Variants in SASH1 observed in about 807,000 individuals in gnomAD.
SASH1 encodes the protein SAM and SH3 domain-containing protein 1.
SASH1 carries 44 observed loss-of-function variants against 125.2 expected under a neutral mutation model. That is an observed-to-expected ratio of 0.35 (90% CI 0.28 to 0.45). SASH1 has a LOEUF of 0.45. Ranked by LOEUF, SASH1 falls within the 20% of genes least tolerant of loss-of-function variation. SASH1 has a pLI of 1.00. For missense variants in SASH1, 1,426 were observed against 1,614.5 expected (o/e 0.88, Z 2.00); for synonymous variants, 639 against 649.1 (o/e 0.98, Z 0.24).
At chr6:148,413,913 A>G (rs1583114589) in intron 2 of SASH1, among the ~76,000 whole-genome samples, 1 of 152,018 alleles carries the variant, frequency 6.6e-6, no homozygotes, top group Non-Finnish European at 1.5e-5. Flanking sequence ...AAAAAAGAAT[A>G]AATATATGGG....
At chr6:148,292,512 C>A (rs984046801) in intron 1 of SASH1, among the ~76,000 whole-genome samples, 1 of 152,230 alleles carries the variant, frequency 6.6e-6, no homozygotes, top group African/African-American at 2.4e-5. Flanking sequence ...AATGCACTGG[C>A]CTGTGGGGCT....
intron 2 of SASH1, among the ~76,000 whole-genome samples, chr6:148,412,264 T>TA (rs1479371139): frequency 4.6e-5 from 7 of 152,210 alleles, no homozygotes; most frequent in Admixed American, 4.6e-4. Context: ...ATTTAGCACT[T>TA]AGTGTTTGTT....
intron 8 of SASH1, among the ~76,000 whole-genome samples, chr6:148,498,433 T>C (rs1379745863): frequency 6.6e-6 from 1 of 151,528 alleles, no homozygotes; most frequent in African/African-American, 2.4e-5. Flanking sequence ...AAGAAAAACA[T>C]ATCAAGGGCC....
chr6:148,237,821 C>T, the SASH1 span, among the ~76,000 whole-genome samples: 1 of 152,198 alleles, frequency 6.6e-6, no homozygotes, highest in Non-Finnish European at 1.5e-5. Context: ...GTTGAAAGAG[C>T]CTGAAAATAC....
At chr6:148,218,004 G>A in the SASH1 span, among the ~76,000 whole-genome samples, 3 of 146,814 alleles carry the variant, frequency 2.0e-5, no homozygotes, top group East Asian at 6.1e-4. Flanking sequence ...GAAAGAATGA[G>A]ACTCTGTCTC....
chr6:148,488,049 C>T (rs770426821), intron 8 of SASH1, among the ~76,000 whole-genome samples: 1 of 151,860 alleles, frequency 6.6e-6, no homozygotes, highest in Non-Finnish European at 1.5e-5. Context: ...TGCTGTGCAA[C>T]CAGCATCATA....
At chr6:148,451,363 A>G (rs1026176972) in intron 4 of SASH1, among the ~76,000 whole-genome samples, 2 of 152,214 alleles carry the variant, frequency 1.3e-5, no homozygotes, top group African/African-American at 4.8e-5. Context: ...AAATATCAAC[A>G]TTATAAAGAC....
At chr6:148,483,008 G>C (rs192411220) in intron 7 of SASH1, among the ~76,000 whole-genome samples, 1 of 152,076 alleles carries the variant, frequency 6.6e-6, no homozygotes, top group African/African-American at 2.4e-5. Flanking sequence ...CTTAATTCAG[G>C]TGTCATACAT....
At chr6:148,452,018 G>A (rs1027716307) in intron 4 of SASH1, among the ~76,000 whole-genome samples, 1 of 152,136 alleles carries the variant, frequency 6.6e-6, no homozygotes, top group Non-Finnish European at 1.5e-5. Flanking sequence ...GTCACAGGGC[G>A]CTTCTGCCCC....
chr6:148,363,021 T>C (rs573037088), intron 1 of SASH1, among the ~76,000 whole-genome samples: 3 of 152,268 alleles, frequency 2.0e-5, no homozygotes, highest in South Asian at 2.1e-4. Flanking sequence ...AGAAGTCTTA[T>C]TGGTGCAGGG....
At chr6:148,356,146 G>A (rs1349981773) in intron 1 of SASH1, among the ~76,000 whole-genome samples, 1 of 150,380 alleles carries the variant, frequency 6.6e-6, no homozygotes, top group Non-Finnish European at 1.5e-5. Context: ...GTGCAGTGGC[G>A]TGATCTCTGC....
At chr6:148,246,532 A>G in the SASH1 span, among the ~76,000 whole-genome samples, 1 of 152,192 alleles carries the variant, frequency 6.6e-6, no homozygotes, top group Non-Finnish European at 1.5e-5. Flanking sequence ...CTCATTTCTC[A>G]TCACTAGCTT....
intron 2 of SASH1, among the ~76,000 whole-genome samples, chr6:148,401,253 CAAA>C (rs34170572): frequency 8.0e-5 from 9 of 112,258 alleles, no homozygotes; most frequent in Admixed American, 1.9e-4. Context: ...GACCCTATCT[CAAA>C]AAAAAAAAAA....
intron 1 of SASH1, among the ~76,000 whole-genome samples, chr6:148,310,461 T>C (rs751608949): frequency 9.4e-5 from 14 of 148,850 alleles, no homozygotes; most frequent in Non-Finnish European, 1.6e-4. Context: ...GACCTCAATG[T>C]AAAATCACTG....
intron 1 of SASH1, among the ~76,000 whole-genome samples, chr6:148,367,327 C>T (rs1782510174): frequency 6.6e-6 from 1 of 152,222 alleles, no homozygotes. Flanking sequence ...CACCTCAGTC[C>T]TTTTAGCAAT....
At chr6:148,246,245 A>G in the SASH1 span, among the ~76,000 whole-genome samples, 2 of 152,090 alleles carry the variant, frequency 1.3e-5, no homozygotes, top group African/African-American at 4.8e-5. Flanking sequence ...AAGTCTTTTC[A>G]TTGTCATTTA....
chr6:148,455,449 A>G (rs985090099), intron 4 of SASH1, among the ~76,000 whole-genome samples: 7 of 152,144 alleles, frequency 4.6e-5, no homozygotes, highest in Admixed American at 3.9e-4. Context: ...TGTCTGAATC[A>G]TTTCCAGCAG....
At chr6:148,291,015 G>A in intron 1 of SASH1, among the ~76,000 whole-genome samples, 1 of 126,708 alleles carries the variant, frequency 7.9e-6, no homozygotes, top group South Asian at 2.5e-4. Context: ...TTTTTTTTCT[G>A]TATGAGAAAA....
At chr6:148,258,729 T>G in the SASH1 span, among the ~76,000 whole-genome samples, 1 of 152,354 alleles carries the variant, frequency 6.6e-6, no homozygotes, top group Non-Finnish European at 1.5e-5. Flanking sequence ...CCTTCTCGGA[T>G]AGTTTTCACT....
Sources: allele counts gnomAD v4.1 joint callset (sites outside exome capture counted in the v4.1 genomes callset), GRCh38; gene constraint gnomAD v4.1.1; transcripts MANE v1.5; gene names NCBI Gene and HGNC (gene_info 2026-07-23, HGNC 2026-07-21).